Variants in ASXL2 observed in about 807,000 individuals in gnomAD.
ASXL2 encodes the protein putative Polycomb group protein ASXL2.
In ASXL2, 23 loss-of-function variants were observed where a neutral mutation model predicts 122.0. The ratio of observed to expected loss-of-function variants is 0.19; its 90% CI spans 0.14 to 0.27. The LOEUF (loss-of-function observed/expected upper bound fraction) is 0.27, where lower values mean the gene tolerates loss of function less well. Ranked by LOEUF, ASXL2 falls within the 10% of genes least tolerant of loss-of-function variation. ASXL2 has a pLI of 1.00. For missense variants in ASXL2, 1,518 were observed against 1,713.8 expected (o/e 0.89, Z 2.02); for synonymous variants, 650 against 637.0 (o/e 1.02, Z -0.31).
At chr2:25,829,899 C>T (rs2089430858) in intron 3 of ASXL2, among the ~76,000 whole-genome samples, 1 of 152,188 alleles carries the variant, frequency 6.6e-6, no homozygotes, top group Non-Finnish European at 1.5e-5. Flanking sequence ...GCTGAGCAGC[C>T]AAGTAGCTCA....
At chr2:25,807,629 C>T (rs1444852729) in intron 3 of ASXL2, among the ~76,000 whole-genome samples, 2 of 151,850 alleles carry the variant, frequency 1.3e-5, no homozygotes, top group African/African-American at 4.8e-5. Flanking sequence ...TGATGGGAGA[C>T]TTGCTTAAAA....
At chr2:25,763,404 C>G (rs997061152) in intron 8 of ASXL2, among the ~76,000 whole-genome samples, 3 of 151,796 alleles carry the variant, frequency 2.0e-5, no homozygotes, top group Admixed American at 6.6e-5. Context: ...GCAGGAGAAT[C>G]GCTTGAACCT....
chr2:25,857,819 CT>C (rs1033527730), intron 1 of ASXL2, among the ~76,000 whole-genome samples: 1 of 152,172 alleles, frequency 6.6e-6, no homozygotes, highest in African/African-American at 2.4e-5. Context: ...TCTTTCACCC[CT>C]ACCTACAAAT....
chr2:25,804,788 G>A (rs900030593), intron 4 of ASXL2, among the ~76,000 whole-genome samples: 1 of 152,198 alleles, frequency 6.6e-6, no homozygotes, highest in South Asian at 2.1e-4. Context: ...GGTGGCTCAC[G>A]CCTGTAATCC....
At chr2:25,750,474 A>G in intron 11 of ASXL2, 61 bp from the exon 12 acceptor site, 3 of 1,398,008 alleles carry the variant, frequency 2.1e-6, no homozygotes, top group East Asian at 4.6e-5. Flanking sequence ...GAAAGCATTC[A>G]TTAATAGAGA....
In ASXL2 at chr2:25,878,387, G is replaced by A. The variant is rs577094084; in HGVS notation, c.-165C>T. The A allele has an allele frequency of 8.0e-6, 5 of 625,032 alleles. No homozygotes were observed. The highest frequency in any genetic ancestry group is 1.4e-5 in the Non-Finnish European group (5 of 362,942). 38.7% of individuals were successfully genotyped at this position (625,032 alleles called of 1,614,324 possible). ...AGAGGAAGCGGCGGGGGTGGTGCGCGGGGGGGTCTATGGGGCGGCCGGTCC... is the reference window on the plus strand; with the variant it reads ...AGAGGAAGCGGCGGGGGTGGTGCGCAGGGGGGTCTATGGGGCGGCCGGTCC... On this transcript the variant is annotated 5_prime_UTR_variant, in exon 1 of 13. Coordinates refer to ENST00000435504, the MANE Select transcript of ASXL2 (RefSeq NM_018263.6).
intron 10 of ASXL2, 103 bp from the exon 11 acceptor site, chr2:25,753,742 A>G: frequency 1.2e-6 from 1 of 855,358 alleles, no homozygotes; most frequent in South Asian, 1.6e-5. Context: ...GAATACTACC[A>G]TGTGAAAGTA....
chr2:25,856,519 G>C, intron 1 of ASXL2: 2 of 1,110,970 alleles, frequency 1.8e-6, no homozygotes, highest in Non-Finnish European at 2.7e-6. Flanking sequence ...GTCCCCAAGA[G>C]CCTCCTCAAT....
chr2:25,790,617 T>C (rs1313247198), intron 5 of ASXL2, among the ~76,000 whole-genome samples: 1 of 152,018 alleles, frequency 6.6e-6, no homozygotes, highest in Non-Finnish European at 1.5e-5. Context: ...GTATTCTACC[T>C]ACAACAAATG....
At chr2:25,822,642 T>C in intron 3 of ASXL2, 3 of 609,476 alleles carry the variant, frequency 4.9e-6, no homozygotes, top group Non-Finnish European at 9.3e-6. Context: ...TTTCACAGTA[T>C]TGATCCTAAT....
intron 3 of ASXL2, 87 bp downstream of exon 3, chr2:25,835,451 T>A (rs961366037): frequency 2.9e-5 from 6 of 204,166 alleles, no homozygotes; most frequent in African/African-American, 1.2e-4. Flanking sequence ...GTAAAACTCA[T>A]GCATCCAAAG....
chr2:25,794,995 T>C (rs953499076), intron 5 of ASXL2, among the ~76,000 whole-genome samples: 16 of 152,234 alleles, frequency 1.1e-4, no homozygotes, highest in African/African-American at 3.1e-4. Context: ...GGTATCTATA[T>C]CACATGTATG....
intron 1 of ASXL2, among the ~76,000 whole-genome samples, chr2:25,861,677 G>C (rs2089844210): frequency 6.6e-6 from 1 of 152,208 alleles, no homozygotes; most frequent in Non-Finnish European, 1.5e-5. Flanking sequence ...AACCATACTT[G>C]TGATGCTGGG....
intron 6 of ASXL2, among the ~76,000 whole-genome samples, 186 bp from the exon 7 acceptor site, chr2:25,769,054 A>C (rs2088402218): frequency 6.6e-6 from 1 of 152,138 alleles, no homozygotes; most frequent in Non-Finnish European, 1.5e-5. Context: ...GATCAAGTGT[A>C]GTATCTGTTC....
chr2:25,857,885 AT>A (rs1489115777), intron 1 of ASXL2, among the ~76,000 whole-genome samples: 1 of 148,356 alleles, frequency 6.7e-6, no homozygotes, highest in Non-Finnish European at 1.5e-5. Context: ...TATTTTATTT[AT>A]TTTTGAGACA....
At position 25,735,382 on chromosome 2, in the gene ASXL2, A is replaced by G. The variant is rs954841514; in HGVS notation, c.*6647T>C. ...ACCAAATTCTTCTTTAAAAAGCGCTAGAGTCCTGCTGAAGCCCTTTTTAAT... is the reference window on the plus strand; with the variant it reads ...ACCAAATTCTTCTTTAAAAAGCGCTGGAGTCCTGCTGAAGCCCTTTTTAAT... On this transcript the variant is annotated 3_prime_UTR_variant, in exon 13 of 13. Coordinates refer to ENST00000435504, the MANE Select transcript of ASXL2 (RefSeq NM_018263.6). The G allele has an allele frequency of 6.6e-6, 1 of 152,218 alleles. No individual in the cohort carries two copies. The highest frequency in any genetic ancestry group is 6.5e-5 in the Admixed American group (1 of 15,286). 9.4% of individuals were successfully genotyped at this position (152,218 alleles called of 1,614,324 possible). A position where few individuals can be genotyped will look rare whatever the true frequency, so the allele number is the denominator to read the frequency against.
Position 25,875,190 on chromosome 2 carries a change from C to T in ASXL2, c.57+2976G>A, listed in dbSNP as rs114209825. Reference sequence around the variant, plus strand: ...GGGAGGCAGTCCAGTGTAGTGAATGCACATTCAAGATCAGGTGAATCGCAG... The same window carrying T: ...GGGAGGCAGTCCAGTGTAGTGAATGTACATTCAAGATCAGGTGAATCGCAG... On this transcript the variant is annotated intron_variant, in intron 1 of 12. Transcript: ENST00000435504. 2.6e-3 allele frequency among the ~76,000 whole-genome samples: 401 copies of T among 152,336 alleles called. 1 individual carries two copies. Among genetic ancestry groups the T allele is most frequent in the African/African-American group, 9.0e-3 (375 of 41,570 alleles).
Position 25,878,449 on chromosome 2 carries a change from A to G in ASXL2, c.-227T>C. On this transcript the variant is annotated 5_prime_UTR_variant, in exon 1 of 13. Transcript: ENST00000435504. ...TTGCCACTGCTACCGCCGCTGCCAT[A>G]TTGGGTTCTTACTGTACAGGCTGCC... is the stretch of plus-strand genomic sequence containing the variant. 1 of 587,436 alleles carries G rather than the reference A, an allele frequency of 1.7e-6. No homozygotes were observed. 36.4% of individuals were successfully genotyped at this position (587,436 alleles called of 1,614,324 possible). A position where few individuals can be genotyped will look rare whatever the true frequency, so the allele number is the denominator to read the frequency against.
chr2:25,878,480 G>C lies in ASXL2; in HGVS notation c.-258C>G, dbSNP rs186796338. ...TTCTTACTGTACAGGCTGCCGCTAC[G>C]GTCATGTGACCGCTCCCGCGCGGCC... On this transcript the variant is annotated 5_prime_UTR_variant, in exon 1 of 13. Transcript: ENST00000435504. 1 of 502,034 alleles carries C rather than the reference G, an allele frequency of 2.0e-6. No individual in the cohort carries two copies. Among genetic ancestry groups the C allele is most frequent in the Non-Finnish European group, 3.5e-6 (1 of 282,592 alleles). The allele number at this position is 502,034 out of a possible 1,614,324, so 31.1% of individuals were successfully genotyped here. A position where few individuals can be genotyped will look rare whatever the true frequency, so the allele number is the denominator to read the frequency against.
Sources: gnomAD v4.1 joint callset for allele counts (sites outside exome capture counted in the v4.1 genomes callset) on GRCh38, gnomAD v4.1.1 for gene constraint, MANE v1.5 for transcripts, NCBI Gene and HGNC (gene_info 2026-07-23, HGNC 2026-07-21) for gene names.